The following ZPBP variants were observed in gnomAD, a reference collection of about 807,000 sequenced individuals.
ZPBP encodes the protein zona pellucida binding protein.
A neutral mutation model predicts 44.8 loss-of-function variants in ZPBP; 26 were observed. That is an observed-to-expected ratio of 0.58 (90% CI 0.43 to 0.81). ZPBP has a LOEUF of 0.81. ZPBP is among the 30% of genes least tolerant of loss of function. The pLI, the probability that ZPBP is intolerant of heterozygous loss-of-function variation, is 0.00. For synonymous variants in ZPBP, 174 were observed against 153.2 expected (o/e 1.14, Z -1.00); for missense variants, 409 against 434.0 (o/e 0.94, Z 0.51).
intron 7 of ZPBP, among the ~76,000 whole-genome samples, chr7:49,940,047 C>T (rs561484622): frequency 8.0e-4 from 122 of 152,260 alleles, no homozygotes; most frequent in African/African-American, 2.8e-3. Context: ...GCTACATCAA[C>T]CAACAGGAAC....
intron 4 of ZPBP, among the ~76,000 whole-genome samples, chr7:50,052,644 TC>T (rs1307303044): frequency 6.6e-6 from 1 of 152,004 alleles, no homozygotes; most frequent in East Asian, 1.9e-4. Context: ...AGAAAAACAA[TC>T]CACAAACGTC....
At chr7:49,911,918 T>TACAGGCAC in intron 1 of ZPBP, 1 of 222,948 alleles carries the variant, frequency 4.5e-6, no homozygotes, top group Non-Finnish European at 6.0e-6. Flanking sequence ...AACAAACAAA[T>TACAGGCAC]ACACGCACAC....
At chr7:50,018,832 C>A (rs752210926) in intron 5 of ZPBP, among the ~76,000 whole-genome samples, 2 of 151,910 alleles carry the variant, frequency 1.3e-5, no homozygotes, top group Non-Finnish European at 2.9e-5. Context: ...GACATACATT[C>A]ATTTATTTAA....
chr7:49,933,333 T>G (rs1486550761), downstream of ZPBP, among the ~76,000 whole-genome samples: 1 of 152,218 alleles, frequency 6.6e-6, no homozygotes, highest in Non-Finnish European at 1.5e-5. Context: ...TTCCTGTAAT[T>G]AATACTGTAT....
chr7:49,926,231 T>C (rs1416077155), intron 1 of ZPBP, among the ~76,000 whole-genome samples: 1 of 152,218 alleles, frequency 6.6e-6, no homozygotes, highest in Non-Finnish European at 1.5e-5. Flanking sequence ...GTGCCATGAA[T>C]GGTGTGTCCT....
chr7:50,089,519 G>C, intron 2 of ZPBP, 110 bp downstream of exon 2: 3 of 812,882 alleles, frequency 3.7e-6, no homozygotes, highest in Non-Finnish European at 6.1e-6. Flanking sequence ...AAAGAAAAGG[G>C]CCTTAGGAGA....
At chr7:49,952,754 G>A (rs963738897) in intron 7 of ZPBP, among the ~76,000 whole-genome samples, 5 of 151,954 alleles carry the variant, frequency 3.3e-5, no homozygotes, top group African/African-American at 1.2e-4. Context: ...AAAAATTAGA[G>A]AGACATATTA....
At chr7:49,967,200 C>T (rs947383484) in intron 7 of ZPBP, among the ~76,000 whole-genome samples, 3 of 152,196 alleles carry the variant, frequency 2.0e-5, no homozygotes, top group Non-Finnish European at 4.4e-5. Context: ...AATAAAGCCA[C>T]AGATGATTAT....
chr7:49,992,181 T>C (rs540234071), intron 6 of ZPBP, among the ~76,000 whole-genome samples: 80 of 152,216 alleles, frequency 5.3e-4, no homozygotes, highest in Non-Finnish European at 6.0e-4. Context: ...ATCTACTTAC[T>C]GATAAAGGTC....
intron 4 of ZPBP, 29 bp downstream of exon 4, chr7:50,057,960 G>A (rs772106579): frequency 1.3e-6 from 2 of 1,589,892 alleles, no homozygotes; most frequent in South Asian, 2.2e-5. Context: ...ATTAAGAAAG[G>A]TTAAAACACA....
At chr7:49,934,944 T>G (rs1290824180), downstream of ZPBP, among the ~76,000 whole-genome samples, 5 of 152,168 alleles carry the variant, frequency 3.3e-5, no homozygotes, top group African/African-American at 1.2e-4. Flanking sequence ...AAATGTTTTG[T>G]GAAAATTTAA....
At chr7:50,002,903 C>T (rs1349769729) in intron 6 of ZPBP, among the ~76,000 whole-genome samples, 2 of 152,132 alleles carry the variant, frequency 1.3e-5, no homozygotes, top group Non-Finnish European at 2.9e-5. Context: ...TGGGATAAAA[C>T]ATTTATTGAT....
chr7:49,951,561 A>T (rs1249081563), intron 7 of ZPBP, among the ~76,000 whole-genome samples: 2 of 150,854 alleles, frequency 1.3e-5, no homozygotes, highest in Non-Finnish European at 3.0e-5. Flanking sequence ...TTTTTTAAAA[A>T]GGAAAATAGC....
intron 2 of ZPBP, among the ~76,000 whole-genome samples, chr7:49,867,222 C>T (rs1336739106): frequency 2.0e-5 from 3 of 152,188 alleles, no homozygotes; most frequent in Non-Finnish European, 4.4e-5. Flanking sequence ...TGTCCATATC[C>T]CTTAACAATG....
At chr7:49,857,180 C>A (rs1790460558) in intron 2 of ZPBP, among the ~76,000 whole-genome samples, 1 of 152,108 alleles carries the variant, frequency 6.6e-6, no homozygotes, top group African/African-American at 2.4e-5. Flanking sequence ...CAACAACTTT[C>A]TACTTACCCC....
chr7:50,077,816 T>C (rs190467336), intron 3 of ZPBP, among the ~76,000 whole-genome samples: 1 of 152,002 alleles, frequency 6.6e-6, no homozygotes, highest in East Asian at 1.9e-4. Flanking sequence ...GTACAACCAT[T>C]ATGGTGAACA....
chr7:49,910,943 T>C (rs1240649625), intron 1 of ZPBP, among the ~76,000 whole-genome samples: 1 of 152,114 alleles, frequency 6.6e-6, no homozygotes. Flanking sequence ...CTCCAGGCCA[T>C]TGTAATGTAT....
At chr7:49,982,431 G>A (rs921600263) in intron 7 of ZPBP, among the ~76,000 whole-genome samples, 3 of 142,966 alleles carry the variant, frequency 2.1e-5, no homozygotes, top group Non-Finnish European at 4.5e-5. Context: ...GAAGTCATTT[G>A]TTTAATTTGT....
intron 3 of ZPBP, among the ~76,000 whole-genome samples, chr7:50,066,698 T>G (rs1356832301): frequency 6.6e-6 from 1 of 152,204 alleles, no homozygotes; most frequent in Non-Finnish European, 1.5e-5. Flanking sequence ...CATTTACTTA[T>G]CCAGAGATGG....
Sources: gnomAD v4.1 joint callset for allele counts (sites outside exome capture counted in the v4.1 genomes callset) on GRCh38, gnomAD v4.1.1 for gene constraint, MANE v1.5 for transcripts, NCBI Gene and HGNC (gene_info 2026-07-23, HGNC 2026-07-21) for gene names.